The following HOOK2 variants were observed in gnomAD, a reference collection of about 807,000 sequenced individuals.
HOOK2 encodes the protein protein Hook homolog 2.
In HOOK2, 108 loss-of-function variants were observed where a neutral mutation model predicts 111.9. That is an observed-to-expected ratio of 0.96 (90% confidence interval 0.83 to 1.13). The LOEUF is 1.13. HOOK2 is among the 50% of genes most tolerant of loss of function. The probability of loss-of-function intolerance (pLI) is 0.00; values close to 1 mark genes in which losing one functional copy is unlikely to be tolerated. For missense variants in HOOK2, 978 were observed against 951.3 expected, an observed-to-expected ratio of 1.03 and a Z score of -0.37; for synonymous variants, 405 against 394.3, an observed-to-expected ratio of 1.03 and a Z score of -0.32.
chr19:12,771,901 AAAAAGAAAAG>A (rs1490147027), intron 7 of HOOK2: 1 of 398,880 alleles, frequency 2.5e-6, no homozygotes, highest in Non-Finnish European at 4.5e-6. Context: ...AAAAAAAAAG[AAAAAGAAAAG>A]AAAAGAAAAC....
At chr19:12,774,940 GAGCGCC>G in intron 1 of HOOK2, 43 bp from the exon 2 acceptor site, 1 of 1,572,166 alleles carries the variant, frequency 6.4e-7, no homozygotes, top group Non-Finnish European at 8.7e-7. Context: ...TAGGGCCTGG[GAGCGCC>G]GAACCGCTCC....
intron 20 of HOOK2, 110 bp from the exon 21 acceptor site, chr19:12,763,888 C>T (rs1274812824): frequency 2.2e-5 from 16 of 733,226 alleles, no homozygotes; most frequent in Non-Finnish European, 3.4e-5. Context: ...GACAGAGTCC[C>T]CCTATGTTGC....
chr19:12,784,072 CGAGG>C (rs1458453542), intron 3 of HOOK2, among the ~76,000 whole-genome samples: 3 of 152,080 alleles, frequency 2.0e-5, no homozygotes, highest in Non-Finnish European at 4.4e-5. Flanking sequence ...GCGGGTGGCC[CGAGG>C]GAGGGGACGT....
In HOOK2 at chr19:12,765,066, C is replaced by T. The variant is rs1170731213; in HGVS notation, c.1656G>A (p.Glu552=). The change falls in exon 19 of 23, where the codon GAG becomes GAA. Residue 552 remains glutamate, a synonymous_variant. Transcript: ENST00000397668. ...GCTTCCTCTGCAACTCCAGATCTGC[C>T]TCATGAAGCTTCTGCCTGTGGGCCG... ...KLEEHLQKLH[E]ADLELQRKRE... is the part of the protein sequence containing the mutation. 1.2e-6 allele frequency: 2 copies of T among 1,614,160 alleles called. No homozygotes were observed. The highest frequency in any genetic ancestry group is 1.7e-5 in the Admixed American group (1 of 60,018).
chr19:12,776,119 C>G (rs1375057810), upstream of HOOK2, among the ~76,000 whole-genome samples: 1 of 150,034 alleles, frequency 6.7e-6, no homozygotes, highest in East Asian at 2.0e-4. Context: ...CCTCGTGATC[C>G]GCCCGCCTCG....
chr19:12,785,321 C>T (rs965389431), intron 3 of HOOK2, among the ~76,000 whole-genome samples: 1 of 149,992 alleles, frequency 6.7e-6, no homozygotes, highest in Non-Finnish European at 1.5e-5. Context: ...CACACCAGAT[C>T]GTATACACAC....
intron 7 of HOOK2, chr19:12,771,881 CAAAA>C (rs60718260): frequency 4.2e-3 from 480 of 114,638 alleles, no homozygotes; most frequent in South Asian, 8.5e-3. Flanking sequence ...GACTCCATCT[CAAAA>C]AAAAAAAAAA....
chr19:12,772,869 C>T lies in HOOK2; in HGVS notation c.299G>A (p.Ser100Asn). 1 of 1,614,204 alleles carries T rather than the reference C, an allele frequency of 6.2e-7. No homozygotes were observed. Among genetic ancestry groups the T allele is most frequent in the Non-Finnish European group, 8.5e-7 (1 of 1,180,046 alleles). Residue 100 changes from serine to asparagine, a missense_variant, in exon 5 of 23, where the codon AGC becomes AAC. Around this residue, in one of 5 missense-constraint regions of HOOK2, gnomAD observed 301 missense variants for 286.1 expected, o/e 1.05. Transcript: ENST00000397668. Reference sequence around the variant, plus strand: ...CGGGTCTGAGAACTCTCCAATGAGGCTCACATCTGGGAGATGCTCTTCTGA... The same window carrying T: ...CGGGTCTGAGAACTCTCCAATGAGGTTCACATCTGGGAGATGCTCTTCTGA... ...PVSEEHLPDV[S>N]LIGEFSDPAE...
upstream of HOOK2, among the ~76,000 whole-genome samples, chr19:12,782,635 T>G (rs1434847235): frequency 6.6e-6 from 1 of 152,006 alleles, no homozygotes; most frequent in Non-Finnish European, 1.5e-5. Context: ...GGGCGGGAGC[T>G]CTGCACTGGC....
intron 3 of HOOK2, among the ~76,000 whole-genome samples, chr19:12,788,635 G>A (rs1393990785): frequency 2.0e-5 from 3 of 151,794 alleles, no homozygotes; most frequent in Non-Finnish European, 4.4e-5. Flanking sequence ...GCCCTGGCCA[G>A]GGCTGAATTA....
At position 12,790,523 on chromosome 19, in the gene HOOK2, A is replaced by C. The variant is rs1968702136; in HGVS notation, n.42-16298T>G. Among the ~76,000 whole-genome samples the C allele has an allele frequency of 6.6e-6, 1 of 152,146 alleles. No individual in the cohort carries two copies. Among genetic ancestry groups the C allele is most frequent in the African/African-American group, 2.4e-5 (1 of 41,434 alleles). On this transcript the variant is annotated intron_variant and non_coding_transcript_variant, in intron 3 of 3. Coordinates refer to the HOOK2 transcript ENST00000589765. This position sits in a 1 kb window ranked among gnomAD's most constrained non-coding sequence, Gnocchi z 7.2. ...ACAGATGACTAAGAGGTTACCATCG[A>C]GGGGGAGCAGCAGTCGTGGAAGATC...
At chr19:12,777,655 T>C (rs1447138315), upstream of HOOK2, among the ~76,000 whole-genome samples, 4 of 152,200 alleles carry the variant, frequency 2.6e-5, no homozygotes, top group Non-Finnish European at 5.9e-5. Context: ...CCCCGCGCCT[T>C]GCCCTCCCCA....
At chr19:12,764,761 C>T (rs1968098605) in intron 20 of HOOK2, 53 bp downstream of exon 20, 2 of 1,537,472 alleles carry the variant, frequency 1.3e-6, no homozygotes, top group South Asian at 1.1e-5. Context: ...ATAGGAGGCA[C>T]AAAAAGTAAG....
At chr19:12,780,835 G>A (rs1248320977), upstream of HOOK2, among the ~76,000 whole-genome samples, 5 of 134,644 alleles carry the variant, frequency 3.7e-5, no homozygotes, top group East Asian at 9.5e-4. Context: ...AAAATTAGCC[G>A]GGCGTAGTGG....
upstream of HOOK2, among the ~76,000 whole-genome samples, chr19:12,781,293 A>G (rs186805919): frequency 5.5e-3 from 824 of 150,634 alleles, 3 homozygotes; most frequent in Non-Finnish European, 9.7e-3. Context: ...ACAGAGCAAG[A>G]CTCCGTCTAA....
chr19:12,766,463 G>A (rs1968151132), intron 14 of HOOK2: 5 of 523,976 alleles, frequency 9.5e-6, no homozygotes. Flanking sequence ...AGGCAGGGGC[G>A]GAGCTACAAG....
chr19:12,772,523 C>T (rs1175562735), intron 6 of HOOK2, 90 bp downstream of exon 6: 25 of 1,411,678 alleles, frequency 1.8e-5, no homozygotes, highest in Non-Finnish European at 2.4e-5. Context: ...CCAGACCTTA[C>T]CAGGGCAGGA....
At chr19:12,774,920 A>G in intron 1 of HOOK2, 23 bp from the exon 2 acceptor site, 1 of 1,606,670 alleles carries the variant, frequency 6.2e-7, no homozygotes, top group South Asian at 1.1e-5. Flanking sequence ...GGAAAGGACA[A>G]GGAAAGAGTT....
chr19:12,772,383 G>T, intron 6 of HOOK2, 131 bp from the exon 7 acceptor site: 1 of 1,133,678 alleles, frequency 8.8e-7, no homozygotes, highest in East Asian at 2.4e-5. Flanking sequence ...CCAGCCCAGA[G>T]GCTGCCCTCC....
Sources: gnomAD v4.1 joint callset for allele counts (sites outside exome capture counted in the v4.1 genomes callset) on GRCh38, gnomAD v4.1.1 for gene constraint, gnomAD v4.1.1 regional missense constraint, Gnocchi (gnomAD v3.1) non-coding constraint, MANE v1.5 for transcripts, NCBI Gene and HGNC (gene_info 2026-07-23, HGNC 2026-07-21) for gene names.